The following ATR variants were observed in gnomAD, a reference collection of about 807,000 sequenced individuals.
The protein encoded by ATR is ATR checkpoint kinase.
Under a neutral mutation model 305.3 loss-of-function variants are expected in ATR, and 142 were observed. The ratio of observed to expected loss-of-function variants is 0.47; its 90% CI spans 0.41 to 0.53. ATR has a LOEUF of 0.53. Ranked by LOEUF, ATR falls within the 20% of genes least tolerant of loss-of-function variation. The pLI, the probability that ATR is intolerant of heterozygous loss-of-function variation, is 0.00. For synonymous variants in ATR, 1,050 were observed against 1,068.1 expected (o/e 0.98, Z 0.33); for missense variants, 2,135 against 3,133.1 (o/e 0.68, Z 7.60).
intron 19 of ATR, among the ~76,000 whole-genome samples, chr3:142,536,673 G>A (rs532842482): frequency 1.4e-4 from 22 of 152,328 alleles, no homozygotes; most frequent in East Asian, 9.6e-4. Flanking sequence ...CACGGAATGA[G>A]AGAGGGCCCA....
intron 36 of ATR, among the ~76,000 whole-genome samples, chr3:142,475,544 G>C (rs2071416696): frequency 6.6e-6 from 1 of 152,132 alleles, no homozygotes; most frequent in Non-Finnish European, 1.5e-5. Context: ...TGTGAATAGT[G>C]CCGCAATAAA....
At chr3:142,531,234 GTTTTA>G (rs71629539) in intron 21 of ATR, among the ~76,000 whole-genome samples, 24,217 of 151,366 alleles carry the variant, frequency 0.16, 2,126 homozygotes, top group Middle Eastern at 0.27. Flanking sequence ...GTCTCTAGCA[GTTTTA>G]TTTTATTTTA....
Position 142,563,088 on chromosome 3 carries a change from G to A in ATR, c.314C>T (p.Thr105Met), listed in dbSNP as rs374764228. The A allele has an allele frequency of 3.7e-6, 6 of 1,603,278 alleles. No homozygotes were observed. The African/African-American group carries it at 5.4e-5, about 14-fold the overall frequency. The change falls in exon 4 of 47, where the codon ACG (threonine) becomes ATG (methionine). Residue 105 changes from threonine to methionine, a missense_variant. Physicochemically the swap from Thr to Met is moderately conservative, Grantham distance 81. Coordinates refer to ENST00000350721, the MANE Select transcript of ATR (RefSeq NM_001184.4). ...AGTTGCTGCAATCCGCAGAAGTCTCGTTATGATCCAATTACTGAATTCTTT... is the reference window on the plus strand; with the variant it reads ...AGTTGCTGCAATCCGCAGAAGTCTCATTATGATCCAATTACTGAATTCTTT... Reference protein sequence around the residue: ...SCIEFSNWIITRLLRIAATPS... With the variant: ...SCIEFSNWIIMRLLRIAATPS...
chr3:142,524,990 A>T (rs368178408), intron 21 of ATR, among the ~76,000 whole-genome samples: 4 of 152,356 alleles, frequency 2.6e-5, no homozygotes, highest in East Asian at 1.9e-4. Context: ...TAGAACTGTA[A>T]TGAGTAATAC....
Position 142,526,076 on chromosome 3 carries a change from T to C in ATR, c.3946-1877A>G, listed in dbSNP as rs562057662. 2.6e-5 allele frequency among the ~76,000 whole-genome samples: 4 copies of C among 152,346 alleles called. No homozygotes were observed. The South Asian group carries it at 6.2e-4, about 24-fold the overall frequency. On this transcript the variant is annotated intron_variant, in intron 21 of 46. Transcript: ENST00000350721. ...TTAAAATTTTTCTTTTGTTGGTGTATGCATTTCTTGTTAAGTTTATACTCA... is the reference window on the plus strand; with the variant it reads ...TTAAAATTTTTCTTTTGTTGGTGTACGCATTTCTTGTTAAGTTTATACTCA...
At chr3:142,518,129 G>T (rs2032986426) in intron 24 of ATR, among the ~76,000 whole-genome samples, 1 of 152,128 alleles carries the variant, frequency 6.6e-6, no homozygotes, top group Non-Finnish European at 1.5e-5. Context: ...ACATCTACAG[G>T]TGCTATACAA....
intron 26 of ATR, among the ~76,000 whole-genome samples, chr3:142,513,203 A>G (rs1159691108): frequency 6.6e-6 from 1 of 152,236 alleles, no homozygotes; most frequent in Non-Finnish European, 1.5e-5. Flanking sequence ...AGATGTATAA[A>G]TTTTGCATTT....
intron 36 of ATR, among the ~76,000 whole-genome samples, chr3:142,470,978 A>G (rs1362105537): frequency 6.6e-6 from 1 of 152,204 alleles, no homozygotes; most frequent in Non-Finnish European, 1.5e-5. Context: ...TTAAGTGTAC[A>G]GTTCAGTGTT....
intron 36 of ATR, among the ~76,000 whole-genome samples, chr3:142,480,543 C>T (rs1202601252): frequency 6.6e-6 from 1 of 152,224 alleles, no homozygotes; most frequent in African/African-American, 2.4e-5. Flanking sequence ...CAGGGTCCCA[C>T]TTGAGGAGGC....
chr3:142,516,984 AATAT>A (rs534243837), intron 24 of ATR, among the ~76,000 whole-genome samples: 32 of 139,126 alleles, frequency 2.3e-4, no homozygotes, highest in African/African-American at 5.5e-4. Flanking sequence ...ATACCCAAAT[AATAT>A]ATATATATAT....
intron 16 of ATR, 64 bp downstream of exon 16, chr3:142,547,661 T>A (rs2108450383): frequency 6.5e-7 from 1 of 1,540,820 alleles, no homozygotes; most frequent in Non-Finnish European, 8.9e-7. Context: ...TTTCTTCAAT[T>A]TTATAATTAA....
At chr3:142,478,592 G>A (rs1373232363) in intron 36 of ATR, among the ~76,000 whole-genome samples, 4 of 152,222 alleles carry the variant, frequency 2.6e-5, no homozygotes, top group African/African-American at 9.7e-5. Flanking sequence ...GAGTTCTGTA[G>A]ATGTCTATTA....
chr3:142,480,949 G>C (rs760928914), intron 36 of ATR, among the ~76,000 whole-genome samples: 6 of 152,244 alleles, frequency 3.9e-5, no homozygotes, highest in Non-Finnish European at 7.3e-5. Context: ...CGCAGTATTA[G>C]GGTGGGAGTG....
intron 23 of ATR, among the ~76,000 whole-genome samples, chr3:142,522,281 T>G (rs9808943): frequency 6.6e-6 from 1 of 152,014 alleles, no homozygotes; most frequent in Non-Finnish European, 1.5e-5. Context: ...GTAAACATAA[T>G]GTTAATATGC....
intron 35 of ATR, among the ~76,000 whole-genome samples, chr3:142,490,472 T>A (rs1341166405): frequency 1.3e-5 from 2 of 152,228 alleles, no homozygotes; most frequent in Non-Finnish European, 2.9e-5. Context: ...ACCTTTTCAT[T>A]TTCTTAACTG....
intron 29 of ATR, among the ~76,000 whole-genome samples, chr3:142,504,179 T>C (rs913881584): frequency 1.3e-5 from 2 of 152,176 alleles, no homozygotes; most frequent in African/African-American, 4.8e-5. Flanking sequence ...CCCATTCCAA[T>C]AGACACACAG....
intron 46 of ATR, 137 bp downstream of exon 46, chr3:142,452,991 G>T: frequency 6.6e-7 from 1 of 1,523,742 alleles, no homozygotes. Context: ...TAGAGAACTA[G>T]ATTTCAGAGT....
rs755251770 is a variant in ATR, at chr3:142,482,980, C to CCTTT, written c.6221+2156_6221+2159dup. Among the ~76,000 whole-genome samples the CCTTT allele has an allele frequency of 8.9e-4, 134 of 150,070 alleles. 1 individual carries two copies. The highest frequency in any genetic ancestry group is 1.7e-3 in the Non-Finnish European group (114 of 67,812). On this transcript the variant is annotated intron_variant, in intron 36 of 46. Transcript: ENST00000350721. ...CAGGAGATCCTGAGAACATATGCCC[C>CCTTT]CTTTCTTTCTTTTTTTTTTTTCTTT... is the stretch of plus-strand genomic sequence containing the variant.
At chr3:142,573,947 GT>G (rs1237105798) in intron 1 of ATR, among the ~76,000 whole-genome samples, 1 of 152,116 alleles carries the variant, frequency 6.6e-6, no homozygotes, top group African/African-American at 2.4e-5. Context: ...TTTAGACAAA[GT>G]CAGGAGACAT....
Sources: allele counts gnomAD v4.1 joint callset (sites outside exome capture counted in the v4.1 genomes callset), GRCh38; gene constraint gnomAD v4.1.1; transcripts MANE v1.5; gene names NCBI Gene and HGNC (gene_info 2026-07-23, HGNC 2026-07-21).